NOTCH1: variants seen among roughly 807,000 people sequenced by gnomAD.
NOTCH1 encodes the protein neurogenic locus notch homolog protein 1.
NOTCH1 carries 37 observed loss-of-function variants against 254.8 expected under a neutral mutation model. That is an observed-to-expected ratio of 0.15 (90% CI 0.11 to 0.19). The LOEUF (loss-of-function observed/expected upper bound fraction) is 0.19, where lower values mean the gene tolerates loss of function less well. NOTCH1 is among the 10% of genes least tolerant of loss of function. The pLI, the probability that NOTCH1 is intolerant of heterozygous loss-of-function variation, is 1.00. For missense variants in NOTCH1, 2,972 were observed against 3,708.6 expected, an observed-to-expected ratio of 0.80 and a Z score of 5.16; for synonymous variants, 1,731 against 1,618.1, an observed-to-expected ratio of 1.07 and a Z score of -1.68.
chr9:136,545,092 C>A lies in NOTCH1; in HGVS notation c.61+634G>T, dbSNP rs1046591639. ...CTCCGCCCCCAAGCTTTCCAAACTTCAACTCCGCAAAGCAAAAGGAAAGTT... is the reference window on the plus strand; with the variant it reads ...CTCCGCCCCCAAGCTTTCCAAACTTAAACTCCGCAAAGCAAAAGGAAAGTT... On this transcript the variant is annotated intron_variant, in intron 1 of 33. Transcript: ENST00000651671. The surrounding 1 kb of genome is among the most constrained non-coding windows in gnomAD (Gnocchi z 6.8). Among the ~76,000 whole-genome samples, 3 of 152,110 alleles carry A rather than the reference C, an allele frequency of 2.0e-5. No individual in the cohort carries two copies. The highest frequency in any genetic ancestry group is 7.2e-5 in the African/African-American group (3 of 41,430).
At chr9:136,527,723 T>A (rs1843487500) in intron 2 of NOTCH1, among the ~76,000 whole-genome samples, 1 of 152,082 alleles carries the variant, frequency 6.6e-6, no homozygotes, top group South Asian at 2.1e-4. Flanking sequence ...CCTCTTAGGG[T>A]CACCCGGCAC....
At chr9:136,517,440 G>C in intron 8 of NOTCH1, 55 bp from the exon 9 acceptor site, 1 of 1,225,136 alleles carries the variant, frequency 8.2e-7, no homozygotes, top group Non-Finnish European at 1.2e-6. Context: ...GCCCCACTGG[G>C]CACAGCTGTG....
At chr9:136,533,077 C>G (rs1194280129) in intron 2 of NOTCH1, among the ~76,000 whole-genome samples, 1 of 44,754 alleles carries the variant, frequency 2.2e-5, no homozygotes, top group African/African-American at 1.2e-4. Flanking sequence ...TGAGCCCCGC[C>G]ACCATGTGGA....
intron 2 of NOTCH1, among the ~76,000 whole-genome samples, chr9:136,529,378 C>T (rs747477515): frequency 1.3e-5 from 2 of 152,198 alleles, no homozygotes; most frequent in Non-Finnish European, 2.9e-5. Context: ...CAGCCCCTCC[C>T]TTGGGTAGAG....
At chr9:136,535,367 C>T (rs768020359) in intron 2 of NOTCH1, among the ~76,000 whole-genome samples, 47 of 151,842 alleles carry the variant, frequency 3.1e-4, no homozygotes, top group Non-Finnish European at 6.2e-4. Context: ...GACGGCAGGA[C>T]GCCCCCAGCC....
intron 2 of NOTCH1, among the ~76,000 whole-genome samples, chr9:136,538,838 G>A (rs966977932): frequency 1.3e-5 from 2 of 152,198 alleles, no homozygotes; most frequent in Non-Finnish European, 2.9e-5. Flanking sequence ...AGCTGTCATC[G>A]CTGCATTATT....
chr9:136,515,939 C>T (rs772858742), intron 10 of NOTCH1, 42 bp downstream of exon 10: 64 of 1,510,824 alleles, frequency 4.2e-5, no homozygotes, highest in Non-Finnish European at 5.3e-5. Flanking sequence ...AGTGCCCTGT[C>T]CCGTCCCCAG....
In NOTCH1 at chr9:136,499,393, C is replaced by T. The variant is rs1005609026; in HGVS notation, c.5935-134G>A. The stretch of plus-strand genomic sequence containing the variant: ...GAGACCCTCCTGAGATCGGCACGGC[C>T]GGGCAAGACGAAACGCCATGGGGCT... On this transcript the variant is annotated intron_variant, in intron 31 of 33. Coordinates refer to ENST00000651671, the MANE Select transcript of NOTCH1 (RefSeq NM_017617.5). The T allele has an allele frequency of 2.0e-5, 27 of 1,332,640 alleles. 1 individual carries two copies. Among genetic ancestry groups the T allele is most frequent in the Middle Eastern group, 2.6e-4 (1 of 3,882 alleles). 82.6% of individuals were successfully genotyped at this position (1,332,640 alleles called of 1,614,324 possible). A position where few individuals can be genotyped will look rare whatever the true frequency, so the allele number is the denominator to read the frequency against.
intron 7 of NOTCH1, 58 bp downstream of exon 7, chr9:136,518,079 C>T (rs1346573478): frequency 7.1e-6 from 11 of 1,554,118 alleles, no homozygotes; most frequent in East Asian, 4.8e-5. Flanking sequence ...GACTTCTCAT[C>T]GGTTCTGGGG....
intron 28 of NOTCH1, 85 bp downstream of exon 28, chr9:136,502,187 C>A: frequency 7.9e-7 from 1 of 1,264,422 alleles, no homozygotes; most frequent in South Asian, 1.2e-5. Context: ...GGCCCTGGGT[C>A]GGGAGGGGCA....
At position 136,536,026 on chromosome 9, in the gene NOTCH1, G is replaced by A. The variant is rs1034407360; in HGVS notation, c.140+7998C>T. On this transcript the variant is annotated intron_variant, in intron 2 of 33. Coordinates refer to ENST00000651671, the MANE Select transcript of NOTCH1 (RefSeq NM_017617.5). ...ACTCAGGATCCCTCCCAGGAGCAAC[G>A]GGTACAGGGTAGGGGGGCGCACTGA... Among the ~76,000 whole-genome samples the A allele has an allele frequency of 1.3e-3, 194 of 151,968 alleles. 3 individuals carry two copies. The highest frequency in any genetic ancestry group is 1.0e-4 in the Non-Finnish European group (7 of 67,910).
rs371784337 is a variant in NOTCH1 at position 136,527,795 on chromosome 9, G to C, written c.141-3816C>G. ...GCGCTGGGGTAACCTGTCCTATCTG[G>C]GCCCCCCGCAGGTGAGCGGCGGGCG... On this transcript the variant is annotated intron_variant, in intron 2 of 33. Transcript: ENST00000651671. 2.7e-3 allele frequency among the ~76,000 whole-genome samples: 415 copies of C among 152,268 alleles called. 3 individuals are homozygous for C. The highest frequency in any genetic ancestry group is 9.4e-3 in the African/African-American group (391 of 41,550).
chr9:136,519,903 A>AG (rs1843339688), intron 4 of NOTCH1, among the ~76,000 whole-genome samples: 1 of 152,154 alleles, frequency 6.6e-6, no homozygotes, highest in South Asian at 2.1e-4. Context: ...ATGTCTCCAC[A>AG]GGGGGGCCGC....
In NOTCH1 at chr9:136,532,055, G is replaced by T. The variant is rs149978357; in HGVS notation, c.141-8076C>A. Among the ~76,000 whole-genome samples, 442 of 152,340 alleles carry T rather than the reference G, an allele frequency of 2.9e-3. 2 individuals are homozygous for T. Among genetic ancestry groups the T allele is most frequent in the African/African-American group, 0.01 (417 of 41,582 alleles). The stretch of plus-strand genomic sequence containing the variant: ...GAGCCTCACTCTGCCCGGGCCCAGC[G>T]TGATCACCGGGCGCCTGGGATTACC... On this transcript the variant is annotated intron_variant, in intron 2 of 33. Transcript: ENST00000651671.
chr9:136,543,354 G>A (rs1589083755), intron 2 of NOTCH1: 2 of 239,800 alleles, frequency 8.3e-6, no homozygotes, highest in Non-Finnish European at 1.7e-5. Context: ...CCACCCAGAG[G>A]AGGCATCACC....
At position 136,514,605 on chromosome 9, in the gene NOTCH1, G is replaced by A. The variant is rs757495549; in HGVS notation, c.2112C>T (p.Cys704=). The change falls in exon 13 of 34, where the codon TGC becomes TGT. Residue 704 remains cysteine (C), a synonymous_variant. Transcript: ENST00000651671. ...EDGINGFTCR[C]PEGYHDPTCL... ...AGGTGGGGTCGTGGTAGCCCTCGGG[G>A]CAGCGGCAGGTGAAGCCATTGATGC... is the stretch of plus-strand genomic sequence containing the variant. The A allele has an allele frequency of 4.1e-5, 66 of 1,608,862 alleles. No individual in the cohort carries two copies. Among genetic ancestry groups the A allele is most frequent in the Non-Finnish European group, 5.1e-5 (60 of 1,178,678 alleles).
intron 4 of NOTCH1, among the ~76,000 whole-genome samples, chr9:136,521,298 C>G (rs928071368): frequency 2.0e-5 from 3 of 152,146 alleles, no homozygotes; most frequent in Non-Finnish European, 4.4e-5. Context: ...GCACCCCAGC[C>G]TCTGAGATCT....
chr9:136,518,032 T>C, intron 7 of NOTCH1, 95 bp from the exon 8 acceptor site: 1 of 1,561,042 alleles, frequency 6.4e-7, no homozygotes, highest in Non-Finnish European at 8.6e-7. Context: ...CAGGGTCCCA[T>C]CCCCCATCTA....
intron 17 of NOTCH1, 197 bp downstream of exon 17, chr9:136,510,456 G>A: frequency 4.5e-6 from 3 of 673,894 alleles, no homozygotes; most frequent in South Asian, 3.5e-5. Flanking sequence ...AGTGCAGGGA[G>A]GAGCAAGCCG....
Sources: gnomAD v4.1 joint callset for allele counts (sites outside exome capture counted in the v4.1 genomes callset) on GRCh38, gnomAD v4.1.1 for gene constraint, Gnocchi (gnomAD v3.1) non-coding constraint, MANE v1.5 for transcripts, NCBI Gene and HGNC (gene_info 2026-07-23, HGNC 2026-07-21) for gene names.